Variants in TRAF3IP3 observed in about 807,000 individuals in gnomAD.
TRAF3IP3 encodes the protein TRAF3 interacting protein 3.
In TRAF3IP3, 64 loss-of-function variants were observed where a neutral mutation model predicts 86.5. The observed-to-expected ratio is 0.74, with a 90% CI of 0.60 to 0.91. TRAF3IP3 has a LOEUF of 0.91. Among genes scored for constraint, TRAF3IP3 ranks in the 40% least tolerant of loss-of-function variants. The pLI, the probability that TRAF3IP3 is intolerant of heterozygous loss-of-function variation, is 0.00. For synonymous variants in TRAF3IP3, 220 were observed against 243.9 expected (o/e 0.90, Z 0.91); for missense variants, 579 against 642.9 (o/e 0.90, Z 1.07).
chr1:209,779,277 TA>T, intron 13 of TRAF3IP3, 37 bp from the exon 14 acceptor site: 2 of 1,590,506 alleles, frequency 1.3e-6, no homozygotes, highest in Non-Finnish European at 1.7e-6. Context: ...TTGTAGTAAA[TA>T]TGCTAGCATA....
At chr1:209,770,481 A>G (rs1269978387) in intron 8 of TRAF3IP3, among the ~76,000 whole-genome samples, 3 of 131,974 alleles carry the variant, frequency 2.3e-5, no homozygotes, top group Non-Finnish European at 4.9e-5. Flanking sequence ...GTGTGTGTGC[A>G]TGTGGAAGTG....
intron 8 of TRAF3IP3, among the ~76,000 whole-genome samples, chr1:209,768,840 A>G (rs921520706): frequency 1.3e-5 from 2 of 152,240 alleles, no homozygotes; most frequent in African/African-American, 2.4e-5. Flanking sequence ...CCAGGAAACT[A>G]CATGCCCGAT....
In TRAF3IP3 at chr1:209,780,070, T is replaced by C. The variant is rs1046329502; in HGVS notation, c.1313-400T>C. The C allele has an allele frequency of 3.2e-5, 5 of 158,164 alleles. 1 individual carries two copies. The South Asian group carries it at 8.0e-4, about 25-fold the overall frequency. 9.8% of individuals were successfully genotyped at this position (158,164 alleles called of 1,614,324 possible). ...CCATATGAAGATAAATTTTAGGATA[T>C]GACTGCCATCTTCACAACTTTCAAA... On this transcript the variant is annotated intron_variant, in intron 14 of 16. Transcript: ENST00000367025.
At chr1:209,769,408 G>A (rs1349658354) in intron 8 of TRAF3IP3, among the ~76,000 whole-genome samples, 2 of 152,244 alleles carry the variant, frequency 1.3e-5, no homozygotes, top group African/African-American at 4.8e-5. Context: ...AAAGCCCTCT[G>A]CTTATTGTAG....
intron 8 of TRAF3IP3, chr1:209,768,455 G>A (rs1481014785): frequency 2.0e-6 from 2 of 985,460 alleles, no homozygotes; most frequent in Admixed American, 6.1e-5. Context: ...GCAGCCTTGG[G>A]TTTGAAGATC....
In TRAF3IP3 at chr1:209,780,510, C is replaced by G. The variant is rs147808288; in HGVS notation, c.1353C>G (p.Asn451Lys). 2 of 1,600,536 alleles carry G rather than the reference C, an allele frequency of 1.2e-6. No individual in the cohort carries two copies. The highest frequency in any genetic ancestry group is 1.7e-6 in the Non-Finnish European group (2 of 1,173,086). Reference sequence around the variant, plus strand: ...TGTGGAGTCCAAAGTCCTTCCCTAACGAAGTGGAGCCTGAGGGTACAGGGA... The same window carrying G: ...TGTGGAGTCCAAAGTCCTTCCCTAAGGAAGTGGAGCCTGAGGGTACAGGGA... ...LPVWSPKSFP[N>K]EVEPEGTGKE... Residue 451 changes from asparagine (N) to lysine (K), a missense_variant, in exon 15 of 17, where the codon AAC becomes AAG. By Grantham distance (94) the Asn-to-Lys change is moderately conservative. Transcript: ENST00000367025.
chr1:209,763,370 T>A lies in TRAF3IP3; in HGVS notation c.584T>A (p.Ile195Asn), dbSNP rs781292720. The change falls in exon 7 of 17, where the codon ATC becomes AAC. Residue 195 changes from isoleucine to asparagine, a missense_variant. By Grantham distance (149) the Ile-to-Asn change is moderately radical. Coordinates refer to ENST00000367025, the MANE Select transcript of TRAF3IP3 (RefSeq NM_025228.4). ...YGVAVLDKEI[I>N]QLSDYLKEAL... ...CTTGTTCTTTCTCTCCAGGAAATCA[T>A]CCAGCTTTCTGATTACCTCAAAGTA... 1.2e-6 allele frequency: 2 copies of A among 1,613,480 alleles called. No homozygotes were observed. The highest frequency in any genetic ancestry group is 8.5e-7 in the Non-Finnish European group (1 of 1,180,008).
intron 1 of TRAF3IP3, among the ~76,000 whole-genome samples, chr1:209,757,351 G>A (rs868215104): frequency 2.0e-5 from 3 of 152,130 alleles, no homozygotes; most frequent in African/African-American, 4.8e-5. Context: ...TCCTCTTCGC[G>A]GCAAGAAGGT....
chr1:209,765,743 C>G (rs143815257), intron 8 of TRAF3IP3, among the ~76,000 whole-genome samples: 1,925 of 152,100 alleles, frequency 0.013, 38 homozygotes, highest in African/African-American at 0.043. Flanking sequence ...TACACTTTTG[C>G]AAATATTTTT....
At position 209,775,369 on chromosome 1, in the gene TRAF3IP3, GA is replaced by G. The variant is rs760441989; in HGVS notation, c.801del (p.Val268TyrfsTer28). 5 of 1,613,274 alleles carry G rather than the reference GA, an allele frequency of 3.1e-6. No individual in the cohort carries two copies. The highest frequency in any genetic ancestry group is 4.2e-6 in the Non-Finnish European group (5 of 1,179,628). ...CTQKYSPWGM[K>X]KVLLEMEDQK... ...TACAGAAATACTCCCCTTGGGGAAT[GA>G]AAAAAGTACTACTGGAGATGGAAGA... On this transcript the variant is annotated frameshift_variant, in exon 10 of 17. Transcript: ENST00000367025. LOFTEE classifies it high-confidence loss of function.
intron 8 of TRAF3IP3, among the ~76,000 whole-genome samples, chr1:209,764,658 C>A (rs2077306999): frequency 6.6e-6 from 1 of 151,054 alleles, no homozygotes; most frequent in Non-Finnish European, 1.5e-5. Context: ...GCAGGAGAAT[C>A]GCTTGAACCA....
chr1:209,777,621 A>C, intron 12 of TRAF3IP3, 134 bp downstream of exon 12: 44 of 965,026 alleles, frequency 4.6e-5, no homozygotes, highest in Non-Finnish European at 5.4e-5. Context: ...TTATAATCTC[A>C]TTTTACCTTG....
chr1:209,763,071 C>T lies in TRAF3IP3; in HGVS notation c.555C>T (p.Tyr185=), dbSNP rs769980111. Residue 185 remains tyrosine (Y), a synonymous_variant, in exon 6 of 17, where the codon TAC becomes TAT. Transcript: ENST00000367025. ...TTTTAATTTCTTCTCTTTCCAGTTA[C>T]GGAGTTGCAGTTCTGGATAAGGTAA... ...IKNDASQQTN[Y]GVAVLDKEII... The T allele has an allele frequency of 2.2e-5, 35 of 1,613,280 alleles. No individual in the cohort carries two copies. The highest frequency in any genetic ancestry group is 7.7e-5 in the South Asian group (7 of 91,078).
Position 209,772,998 on chromosome 1 carries a change from C to A in TRAF3IP3, c.753C>A (p.Asn251Lys). Reference sequence around the variant, plus strand: ...AGGGGAAACTGAGATCCTTAGAAAACCAGCTATACACCTGTACCCAGGTAA... The same window carrying A: ...AGGGGAAACTGAGATCCTTAGAAAAACAGCTATACACCTGTACCCAGGTAA... The part of the protein sequence containing the change: ...KLKGKLRSLE[N>K]QLYTCTQKYS... Residue 251 changes from asparagine (N) to lysine (K), a missense_variant, in exon 9 of 17, where the codon AAC becomes AAA. Asn to Lys is a moderately conservative substitution (Grantham distance 94, BLOSUM62 0). Transcript: ENST00000367025. 1 of 1,613,768 alleles carries A rather than the reference C, an allele frequency of 6.2e-7. No individual in the cohort carries two copies. Among genetic ancestry groups the A allele is most frequent in the Non-Finnish European group, 8.5e-7 (1 of 1,179,820 alleles).
At chr1:209,762,192 C>T (rs111578129) in intron 3 of TRAF3IP3, among the ~76,000 whole-genome samples, 38 of 152,310 alleles carry the variant, frequency 2.5e-4, no homozygotes, top group African/African-American at 8.2e-4. Flanking sequence ...ACTCTTCCCA[C>T]TATGCAGATG....
intron 8 of TRAF3IP3, among the ~76,000 whole-genome samples, chr1:209,766,828 C>CA (rs2077366036): frequency 6.6e-6 from 1 of 152,232 alleles, no homozygotes; most frequent in Admixed American, 6.5e-5. Flanking sequence ...TGTGCCACTG[C>CA]ACTCCAGCCT....
intron 8 of TRAF3IP3, chr1:209,768,352 C>T: frequency 1.0e-6 from 1 of 985,472 alleles, no homozygotes; most frequent in South Asian, 4.7e-5. Context: ...ACTATTGAGA[C>T]TCCTGAGGAG....
At chr1:209,779,492 T>C in intron 14 of TRAF3IP3, 118 bp downstream of exon 14, 1 of 862,084 alleles carries the variant, frequency 1.2e-6, no homozygotes, top group Non-Finnish European at 2.0e-6. Context: ...GTCTGTTAAG[T>C]CCGGGATGTG....
chr1:209,767,691 G>A (rs1050700512), intron 8 of TRAF3IP3, among the ~76,000 whole-genome samples: 1 of 151,728 alleles, frequency 6.6e-6, no homozygotes, highest in African/African-American at 2.4e-5. Flanking sequence ...AAAAAAAGAG[G>A]GGGGAGGGTT....
Sources: gnomAD v4.1 joint callset for allele counts (sites outside exome capture counted in the v4.1 genomes callset) on GRCh38, gnomAD v4.1.1 for gene constraint, MANE v1.5 for transcripts, NCBI Gene and HGNC (gene_info 2026-07-23, HGNC 2026-07-21) for gene names.